PLCXD3: variants seen among roughly 807,000 people sequenced by gnomAD.
PLCXD3 encodes phosphatidylinositol specific phospholipase C X domain containing 3.
A neutral mutation model predicts 25.5 loss-of-function variants in PLCXD3; 19 were observed. That is an observed-to-expected ratio of 0.75 (90% CI 0.52 to 1.09). The LOEUF is 1.09. Ranked by LOEUF, PLCXD3 falls within the 50% of genes least tolerant of loss-of-function variation. PLCXD3 has a pLI of 0.00. For synonymous variants in PLCXD3, 174 were observed against 137.6 expected (o/e 1.26, Z -1.85); for missense variants, 411 against 388.1 (o/e 1.06, Z -0.50).
chr5:41,320,139 C>T (rs1186412477), intron 2 of PLCXD3, among the ~76,000 whole-genome samples: 1 of 151,958 alleles, frequency 6.6e-6, no homozygotes, highest in Non-Finnish European at 1.5e-5. Flanking sequence ...AAGAAAACCC[C>T]GAGACCTGAT....
At chr5:41,406,860 T>G (rs1273817952) in intron 1 of PLCXD3, among the ~76,000 whole-genome samples, 1 of 152,232 alleles carries the variant, frequency 6.6e-6, no homozygotes, top group Non-Finnish European at 1.5e-5. Flanking sequence ...CATTGGCATT[T>G]GTTAAAAAGT....
chr5:41,353,455 A>C (rs924850353), intron 2 of PLCXD3, among the ~76,000 whole-genome samples: 2 of 152,174 alleles, frequency 1.3e-5, no homozygotes, highest in African/African-American at 4.8e-5. Context: ...AATTCATATC[A>C]GGAGTTTTAT....
At chr5:41,425,785 T>A (rs1580367141) in intron 1 of PLCXD3, among the ~76,000 whole-genome samples, 1 of 152,220 alleles carries the variant, frequency 6.6e-6, no homozygotes, top group African/African-American at 2.4e-5. Flanking sequence ...TCTAAGTTTC[T>A]TCGATGTGTT....
intron 2 of PLCXD3, among the ~76,000 whole-genome samples, chr5:41,368,974 T>A (rs1402928128): frequency 2.0e-5 from 3 of 152,188 alleles, no homozygotes; most frequent in Non-Finnish European, 2.9e-5. Context: ...AGCCTCTCCA[T>A]CTTTATTACT....
chr5:41,496,956 G>T (rs318018), intron 1 of PLCXD3, among the ~76,000 whole-genome samples: 46,763 of 151,414 alleles, frequency 0.31, 7,968 homozygotes, highest in African/African-American at 0.45. Flanking sequence ...TGTGGAGGGA[G>T]AAGTAGGGGT....
At chr5:41,433,808 T>G (rs1747172157) in intron 1 of PLCXD3, among the ~76,000 whole-genome samples, 1 of 152,208 alleles carries the variant, frequency 6.6e-6, no homozygotes, top group Non-Finnish European at 1.5e-5. Flanking sequence ...CATTAAAACC[T>G]TGTGAATTGA....
At chr5:41,497,728 A>G (rs907664979) in intron 1 of PLCXD3, among the ~76,000 whole-genome samples, 3 of 151,852 alleles carry the variant, frequency 2.0e-5, no homozygotes, top group Non-Finnish European at 4.4e-5. Context: ...CAGAATACAC[A>G]TTCTTCTCAA....
intron 1 of PLCXD3, among the ~76,000 whole-genome samples, chr5:41,474,616 C>T (rs894695784): frequency 6.6e-6 from 1 of 152,270 alleles, no homozygotes; most frequent in Middle Eastern, 3.4e-3. Context: ...ACTTCCAAAT[C>T]CCTGATTCTC....
At chr5:41,447,714 A>G (rs995440807) in intron 1 of PLCXD3, among the ~76,000 whole-genome samples, 1 of 152,224 alleles carries the variant, frequency 6.6e-6, no homozygotes, top group Non-Finnish European at 1.5e-5. Context: ...AAGCCATTAC[A>G]GCTATCCCTC....
intron 1 of PLCXD3, among the ~76,000 whole-genome samples, chr5:41,497,707 T>C (rs1300062969): frequency 6.6e-6 from 1 of 151,866 alleles, no homozygotes; most frequent in African/African-American, 2.4e-5. Context: ...GAACATTTCA[T>C]TTAACAACAG....
At chr5:41,343,708 CAG>C (rs1412215989) in intron 2 of PLCXD3, among the ~76,000 whole-genome samples, 1 of 152,088 alleles carries the variant, frequency 6.6e-6, no homozygotes, top group Non-Finnish European at 1.5e-5. Context: ...CTGAAGAAAA[CAG>C]AGAATATCTT....
In PLCXD3 at chr5:41,371,477, G is replaced by A. The variant is rs185699194; in HGVS notation, c.812+10349C>T. ...ACTTTGCTCTAGCCCTATGGATTAG[G>A]CTTGTTGAAATATCCAAATATAGAC... On this transcript the variant is annotated intron_variant, in intron 2 of 2. Coordinates refer to ENST00000377801, the MANE Select transcript of PLCXD3 (RefSeq NM_001005473.3). 1.5e-4 allele frequency among the ~76,000 whole-genome samples: 23 copies of A among 152,182 alleles called. No homozygotes were observed. In the East Asian group the frequency reaches 4.3e-3, roughly 28 times the overall value.
intron 2 of PLCXD3, among the ~76,000 whole-genome samples, chr5:41,332,875 A>AGT (rs1743868715): frequency 6.6e-6 from 1 of 152,144 alleles, no homozygotes; most frequent in Non-Finnish European, 1.5e-5. Context: ...ATTCTCACTC[A>AGT]TAGGTGGGAA....
chr5:41,340,605 C>T (rs1438629660), intron 2 of PLCXD3, among the ~76,000 whole-genome samples: 1 of 152,100 alleles, frequency 6.6e-6, no homozygotes, highest in African/African-American at 2.4e-5. Flanking sequence ...GCATCCGTTG[C>T]TCATCACCTT....
intron 1 of PLCXD3, among the ~76,000 whole-genome samples, chr5:41,418,012 C>A (rs1746732789): frequency 6.6e-6 from 1 of 152,170 alleles, no homozygotes; most frequent in Admixed American, 6.6e-5. Flanking sequence ...ATTAAGTTTT[C>A]TGAAATCAAA....
chr5:41,333,956 C>T lies in PLCXD3; in HGVS notation c.813-20186G>A, dbSNP rs1743906976. On this transcript the variant is annotated intron_variant, in intron 2 of 2. Coordinates refer to ENST00000377801, the MANE Select transcript of PLCXD3 (RefSeq NM_001005473.3). Reference sequence around the variant, plus strand: ...TCTCTGCCCAAATCAAATTCAAACCCCATTTATAGCTTGATAAAGACATCC... The same window carrying T: ...TCTCTGCCCAAATCAAATTCAAACCTCATTTATAGCTTGATAAAGACATCC... Among the ~76,000 whole-genome samples, 4 of 152,108 alleles carry T rather than the reference C, an allele frequency of 2.6e-5. No individual in the cohort carries two copies. The South Asian group carries it at 8.3e-4, about 32-fold the overall frequency.
At chr5:41,418,365 C>T (rs1269771364) in intron 1 of PLCXD3, among the ~76,000 whole-genome samples, 1 of 152,040 alleles carries the variant, frequency 6.6e-6, no homozygotes, top group Non-Finnish European at 1.5e-5. Context: ...ACCCACACAC[C>T]CTGGGGTCTG....
chr5:41,391,702 T>C (rs1259207099), intron 1 of PLCXD3, among the ~76,000 whole-genome samples: 2 of 152,138 alleles, frequency 1.3e-5, no homozygotes, highest in Non-Finnish European at 2.9e-5. Flanking sequence ...TCTTGCACCT[T>C]AGGTGCCAGC....
intron 2 of PLCXD3, among the ~76,000 whole-genome samples, chr5:41,315,318 G>A (rs895535829): frequency 6.6e-6 from 1 of 151,970 alleles, no homozygotes; most frequent in Non-Finnish European, 1.5e-5. Context: ...GAAATGGAGA[G>A]GGAGAGGGAG....
Sources: allele counts gnomAD v4.1 joint callset (sites outside exome capture counted in the v4.1 genomes callset), GRCh38; gene constraint gnomAD v4.1.1; transcripts MANE v1.5; gene names NCBI Gene and HGNC (gene_info 2026-07-23, HGNC 2026-07-21).